The following VCAN variants were observed in gnomAD, a reference collection of about 807,000 sequenced individuals.
The protein encoded by VCAN is versican.
In VCAN, 44 loss-of-function variants were observed where a neutral mutation model predicts 245.5. The ratio of observed to expected loss-of-function variants is 0.18; its 90% CI spans 0.14 to 0.23. VCAN has a LOEUF of 0.23. VCAN is among the 10% of genes least tolerant of loss of function. The probability of loss-of-function intolerance (pLI) is 1.00; values close to 1 mark genes in which losing one functional copy is unlikely to be tolerated. For missense variants in VCAN, 3,793 were observed against 4,057.9 expected (o/e 0.93, Z 1.77); for synonymous variants, 1,413 against 1,437.0 (o/e 0.98, Z 0.38).
Position 83,541,042 on chromosome 5 carries a change from A to G in VCAN, c.8039A>G (p.Glu2680Gly), listed in dbSNP as rs1471479139. The G allele has an allele frequency of 6.2e-7, 1 of 1,614,094 alleles. No individual in the cohort carries two copies. The change falls in exon 8 of 15, where the codon GAA becomes GGA. Residue 2680 changes from glutamate to glycine, a missense_variant. Around this residue, in one of 5 missense-constraint regions of VCAN, gnomAD observed 3,182 missense variants for 3,250.3 expected, o/e 0.98. Transcript: ENST00000265077. ...FTTGIPAPST[E>G]TELDVLLPTA... is the part of the protein sequence containing the mutation. ...ACTGGGATCCCTGCTCCTAGCACAG[A>G]AACAGAATTAGACGTTTTACTTCCC...
chr5:83,525,019 C>T (rs1746239197), intron 7 of VCAN, among the ~76,000 whole-genome samples: 1 of 150,564 alleles, frequency 6.6e-6, no homozygotes, highest in Admixed American at 6.7e-5. Flanking sequence ...TAATTTTTTG[C>T]TGCACTCAGC....
chr5:83,487,057 A>G (rs1481302030), intron 2 of VCAN, among the ~76,000 whole-genome samples: 1 of 152,188 alleles, frequency 6.6e-6, no homozygotes, highest in Admixed American at 6.5e-5. Context: ...TTAACAATAC[A>G]CATTATATTA....
At chr5:83,494,150 T>G (rs1032283077) in intron 5 of VCAN, among the ~76,000 whole-genome samples, 2 of 152,202 alleles carry the variant, frequency 1.3e-5, no homozygotes, top group African/African-American at 4.8e-5. Context: ...ATGTCTTCAG[T>G]TAATGGCAGG....
At chr5:83,472,180 T>C (rs886576188) in intron 1 of VCAN, among the ~76,000 whole-genome samples, 157 bp downstream of exon 1, 1 of 151,962 alleles carries the variant, frequency 6.6e-6, no homozygotes, top group African/African-American at 2.4e-5. Context: ...ACTTAAAAAA[T>C]GCAGGTAACT....
rs144326560 is a variant in VCAN, at chr5:83,520,512, G to A, written c.2206G>A (p.Val736Ile). The A allele has an allele frequency of 1.9e-6, 3 of 1,614,042 alleles. No homozygotes were observed. Among genetic ancestry groups the A allele is most frequent in the African/African-American group, 2.7e-5 (2 of 75,058 alleles). ...LSTSLSEPIHVTESSVEMTKS... is the reference protein window; with the variant it reads ...LSTSLSEPIHITESSVEMTKS... ...TACATCTCTCTCAGAGCCAATTCATGTTACAGAGTCTTCTGTGGAAATGAC... is the reference window on the plus strand; with the variant it reads ...TACATCTCTCTCAGAGCCAATTCATATTACAGAGTCTTCTGTGGAAATGAC... The change falls in exon 7 of 15, where the codon GTT becomes ATT. Residue 736 changes from valine (V) to isoleucine (I), a missense_variant. By Grantham distance (29) the Val-to-Ile change is conservative. Around this residue, in one of 5 missense-constraint regions of VCAN, gnomAD observed 3,182 missense variants for 3,250.3 expected, o/e 0.98. Transcript: ENST00000265077.
At chr5:83,524,799 C>T (rs1002917515) in intron 7 of VCAN, among the ~76,000 whole-genome samples, 2 of 152,122 alleles carry the variant, frequency 1.3e-5, no homozygotes, top group African/African-American at 4.8e-5. Flanking sequence ...AATTTCAAGG[C>T]AGGTGTATAC....
chr5:83,548,557 C>A (rs1272965892), intron 10 of VCAN, among the ~76,000 whole-genome samples: 1 of 152,144 alleles, frequency 6.6e-6, no homozygotes, highest in Non-Finnish European at 1.5e-5. Flanking sequence ...ATCTGCTCAC[C>A]AGGAAATTTT....
chr5:83,540,722 T>A lies in VCAN; in HGVS notation c.7719T>A (p.Asp2573Glu). The A allele has an allele frequency of 5.6e-6, 9 of 1,613,878 alleles. No homozygotes were observed. Among genetic ancestry groups the A allele is most frequent in the Non-Finnish European group, 6.8e-6 (8 of 1,179,944 alleles). ...ILEILPELTS[D>E]KNTIIDIDHT... is the part of the protein sequence containing the mutation. ...AAATTCTACCTGAGCTGACATCGGA[T>A]AAAAATACTATCATAGATATTGATC... Residue 2573 changes from aspartate (D) to glutamate (E), a missense_variant, in exon 8 of 15, where the codon GAT becomes GAA. Coordinates refer to ENST00000265077, the MANE Select transcript of VCAN (RefSeq NM_004385.5).
chr5:83,572,011 A>T (rs1447380478), intron 12 of VCAN, among the ~76,000 whole-genome samples: 1 of 152,172 alleles, frequency 6.6e-6, no homozygotes, highest in Non-Finnish European at 1.5e-5. Flanking sequence ...TCACAATTAT[A>T]TAAATTTATA....
Position 83,538,806 on chromosome 5 carries a change from A to C in VCAN, c.5803A>C (p.Ser1935Arg), listed in dbSNP as rs762857668. ...STGFPLEEDF[S>R]GDFREYSTVS... ...AGGTTTTCCTTTGGAGGAAGATTTC[A>C]GTGGTGACTTTAGAGAATACTCAAC... The change falls in exon 8 of 15, where the codon AGT becomes CGT. Residue 1935 changes from serine to arginine, a missense_variant. By Grantham distance (110) the Ser-to-Arg change is moderately radical. Around this residue, in one of 5 missense-constraint regions of VCAN, gnomAD observed 3,182 missense variants for 3,250.3 expected, o/e 0.98. Coordinates refer to ENST00000265077, the MANE Select transcript of VCAN (RefSeq NM_004385.5). 6 of 1,613,900 alleles carry C rather than the reference A, an allele frequency of 3.7e-6. No homozygotes were observed. In the South Asian group the frequency reaches 6.6e-5, roughly 18 times the overall value.
At chr5:83,490,776 G>T (rs1744959076) in intron 3 of VCAN, among the ~76,000 whole-genome samples, 1 of 152,194 alleles carries the variant, frequency 6.6e-6, no homozygotes, top group Non-Finnish European at 1.5e-5. Flanking sequence ...AGTCTTATCA[G>T]TGATTCTTTT....
Position 83,540,585 on chromosome 5 carries a change from G to A in VCAN, c.7582G>A (p.Glu2528Lys), listed in dbSNP as rs772985425. The change falls in exon 8 of 15, where the codon GAG becomes AAG. Residue 2528 changes from glutamate to lysine, a missense_variant. Coordinates refer to ENST00000265077, the MANE Select transcript of VCAN (RefSeq NM_004385.5). ...TTTCCAAGACCGTTTCAGGGAATTC[G>A]AGGATTCCACCTTAAAACCTAACAG... ...GSFQDRFREF[E>K]DSTLKPNRKK... 4.3e-6 allele frequency: 7 copies of A among 1,613,714 alleles called. No individual in the cohort carries two copies. In the Admixed American group the frequency reaches 6.7e-5, roughly 15 times the overall value.
chr5:83,554,846 C>T (rs1747607312), intron 11 of VCAN, 110 bp from the exon 12 acceptor site: 12 of 994,608 alleles, frequency 1.2e-5, no homozygotes, highest in African/African-American at 3.2e-5. Context: ...AATAAAAATC[C>T]AGCCAGTAAA....
chr5:83,563,610 A>G (rs1026940582), intron 12 of VCAN, among the ~76,000 whole-genome samples: 9 of 152,196 alleles, frequency 5.9e-5, no homozygotes, highest in East Asian at 1.9e-4. Context: ...CTCTTGGGAA[A>G]GTGTTTTCTG....
chr5:83,512,286 C>T lies in VCAN; in HGVS notation c.932C>T (p.Ala311Val). The T allele has an allele frequency of 6.2e-7, 1 of 1,614,116 alleles. No homozygotes were observed. The stretch of plus-strand genomic sequence containing the variant: ...AGCGTGCGCCACCCTGTGACTGTGG[C>T]CAGGGCCCAGTGTGGAGGTGGTCTA... ...DASVRHPVTVARAQCGGGLLG... is the reference protein window; with the variant it reads ...DASVRHPVTVVRAQCGGGLLG... Residue 311 changes from alanine to valine, a missense_variant, in exon 6 of 15, where the codon GCC (alanine) becomes GTC (valine). By Grantham distance (64) the Ala-to-Val change is moderately conservative. Around this residue, in one of 5 missense-constraint regions of VCAN, gnomAD observed 190 missense variants for 288.6 expected, o/e 0.66. Coordinates refer to ENST00000265077, the MANE Select transcript of VCAN (RefSeq NM_004385.5).
At position 83,547,978 on chromosome 5, in the gene VCAN, T is replaced by C; in HGVS notation, c.9387T>C (p.Asp3129=). 1.2e-6 allele frequency: 2 copies of C among 1,612,218 alleles called. No individual in the cohort carries two copies. Among genetic ancestry groups the C allele is most frequent in the Non-Finnish European group, 1.7e-6 (2 of 1,178,262 alleles). ...TTTACTATTTTGTTTCAGATTTTGA[T>C]GAATGTCACTCTAATCCCTGTCGTA... is the stretch of plus-strand genomic sequence containing the variant. ...YSGDQCELDF[D]ECHSNPCRNG... is the part of the protein sequence containing the mutation. The change falls in exon 10 of 15, where the codon GAT becomes GAC. Residue 3129 remains aspartate, a synonymous_variant. Transcript: ENST00000265077.
chr5:83,548,418 T>C (rs1747321823), intron 10 of VCAN, among the ~76,000 whole-genome samples: 1 of 152,236 alleles, frequency 6.6e-6, no homozygotes, highest in African/African-American at 2.4e-5. Flanking sequence ...TAGCTGTTTT[T>C]ATTTTCTCCT....
chr5:83,543,328 A>G (rs1747076216), intron 8 of VCAN, among the ~76,000 whole-genome samples: 1 of 152,204 alleles, frequency 6.6e-6, no homozygotes, highest in African/African-American at 2.4e-5. Flanking sequence ...CCTAGCTGCT[A>G]CCTGCAAAAA....
At chr5:83,524,969 C>T (rs955901598) in intron 7 of VCAN, among the ~76,000 whole-genome samples, 3 of 150,810 alleles carry the variant, frequency 2.0e-5, no homozygotes, top group African/African-American at 4.9e-5. Context: ...TCCAAGTAAG[C>T]AAAAATACCA....
Sources: gnomAD v4.1 joint callset for allele counts (sites outside exome capture counted in the v4.1 genomes callset) on GRCh38, gnomAD v4.1.1 for gene constraint, gnomAD v4.1.1 regional missense constraint, MANE v1.5 for transcripts, NCBI Gene and HGNC (gene_info 2026-07-23, HGNC 2026-07-21) for gene names.